RASAL2: variants seen among roughly 807,000 people sequenced by gnomAD.
RASAL2 encodes the protein RAS protein activator like 2.
Under a neutral mutation model 128.9 loss-of-function variants are expected in RASAL2, and 58 were observed. The ratio of observed to expected loss-of-function variants is 0.45; its 90% CI spans 0.36 to 0.56. The LOEUF (loss-of-function observed/expected upper bound fraction) is 0.56, where lower values mean the gene tolerates loss of function less well. Ranked by LOEUF, RASAL2 falls within the 20% of genes least tolerant of loss-of-function variation. RASAL2 has a pLI of 0.00. For missense variants in RASAL2, 1,360 were observed against 1,601.6 expected, an observed-to-expected ratio of 0.85 and a Z score of 2.57; for synonymous variants, 561 against 580.8, an observed-to-expected ratio of 0.97 and a Z score of 0.49.
intron 1 of RASAL2, among the ~76,000 whole-genome samples, chr1:178,152,735 G>A (rs980690281): frequency 6.6e-6 from 1 of 152,136 alleles, no homozygotes; most frequent in African/African-American, 2.4e-5. Context: ...CACAAAAGTG[G>A]AGAAAATAAT....
chr1:178,141,694 A>G (rs1349227074), intron 1 of RASAL2, among the ~76,000 whole-genome samples: 1 of 152,062 alleles, frequency 6.6e-6, no homozygotes, highest in African/African-American at 2.4e-5. Flanking sequence ...TTAACATCGG[A>G]GCATGGGCTA....
intron 1 of RASAL2, among the ~76,000 whole-genome samples, chr1:178,113,646 G>A (rs868737172): frequency 2.6e-5 from 4 of 151,494 alleles, no homozygotes; most frequent in African/African-American, 4.9e-5. Flanking sequence ...GCCTCCAAAC[G>A]TGCTGGGATT....
intron 3 of RASAL2, among the ~76,000 whole-genome samples, chr1:178,306,685 G>GT (rs1668005949): frequency 2.0e-5 from 3 of 152,106 alleles, no homozygotes; most frequent in Non-Finnish European, 2.9e-5. Flanking sequence ...TTTTGGCTGC[G>GT]TAAGTGTCTT....
intron 3 of RASAL2, among the ~76,000 whole-genome samples, chr1:178,305,491 A>T (rs1017384627): frequency 6.6e-6 from 1 of 152,200 alleles, no homozygotes. Context: ...ACAAATCCAC[A>T]CACCTACAGT....
At chr1:178,321,473 A>G (rs976552337) in intron 3 of RASAL2, among the ~76,000 whole-genome samples, 2 of 152,218 alleles carry the variant, frequency 1.3e-5, no homozygotes, top group African/African-American at 4.8e-5. Context: ...AGATTTGATA[A>G]TAAGTTTCAT....
chr1:178,476,179 A>G lies in RASAL2; in HGVS notation c.*2940A>G, dbSNP rs564611127. 1 of 152,362 alleles carries G rather than the reference A, an allele frequency of 6.6e-6. No homozygotes were observed. Among genetic ancestry groups the G allele is most frequent in the Non-Finnish European group, 1.5e-5 (1 of 68,034 alleles). The allele number at this position is 152,362 out of a possible 1,614,324, so 9.4% of individuals were successfully genotyped here. A position where few individuals can be genotyped will look rare whatever the true frequency, so the allele number is the denominator to read the frequency against. On this transcript the variant is annotated 3_prime_UTR_variant, in exon 18 of 18. Coordinates refer to ENST00000367649, the MANE Select transcript of RASAL2 (RefSeq NM_170692.4). ...CACATTGTGGGGCGCAGGATAGATC[A>G]GGGTTGAGTGGAATTTGGAATTCAG...
chr1:178,180,854 A>T (rs1662083589), intron 1 of RASAL2, among the ~76,000 whole-genome samples: 1 of 152,160 alleles, frequency 6.6e-6, no homozygotes, highest in African/African-American at 2.4e-5. Context: ...CTGTATACAA[A>T]TAGCCAAAGA....
intron 2 of RASAL2, among the ~76,000 whole-genome samples, chr1:178,294,976 A>G (rs750945594): frequency 1.1e-4 from 16 of 152,176 alleles, no homozygotes; most frequent in Admixed American, 2.0e-4. Flanking sequence ...GAGCAATGAC[A>G]GAGATCTGAC....
chr1:178,355,528 T>C (rs1160418587), intron 3 of RASAL2, among the ~76,000 whole-genome samples: 2 of 152,182 alleles, frequency 1.3e-5, no homozygotes, highest in African/African-American at 4.8e-5. Flanking sequence ...ATAGTAATAA[T>C]ACCACTTTTA....
chr1:178,218,269 C>T (rs946499188), intron 1 of RASAL2, among the ~76,000 whole-genome samples: 6 of 152,216 alleles, frequency 3.9e-5, no homozygotes, highest in African/African-American at 1.4e-4. Flanking sequence ...ATGAAAACAA[C>T]ATTAATCTAC....
intron 1 of RASAL2, among the ~76,000 whole-genome samples, chr1:178,226,950 GACAA>G (rs762299947): frequency 4.6e-5 from 7 of 151,956 alleles, no homozygotes; most frequent in Admixed American, 1.3e-4. Flanking sequence ...AAAACAAACA[GACAA>G]ACAAACAAAC....
chr1:178,437,083 T>A (rs1676300178), intron 5 of RASAL2, among the ~76,000 whole-genome samples: 1 of 152,106 alleles, frequency 6.6e-6, no homozygotes, highest in Admixed American at 6.6e-5. Context: ...TCTAATCTCC[T>A]TATAGGTGTA....
chr1:178,420,863 G>A (rs1174141533), intron 5 of RASAL2, among the ~76,000 whole-genome samples: 1 of 152,084 alleles, frequency 6.6e-6, no homozygotes, highest in African/African-American at 2.4e-5. Flanking sequence ...AGTCAGTTAA[G>A]CTATTTCTGT....
intron 2 of RASAL2, among the ~76,000 whole-genome samples, chr1:178,297,797 T>C (rs1024658881): frequency 6.6e-6 from 1 of 152,080 alleles, no homozygotes; most frequent in South Asian, 2.1e-4. Context: ...GAGAAAATAA[T>C]TGAGTGAATT....
intron 1 of RASAL2, among the ~76,000 whole-genome samples, chr1:178,126,731 G>A (rs955723792): frequency 5.3e-5 from 8 of 152,190 alleles, no homozygotes; most frequent in Admixed American, 3.3e-4. Context: ...TATTCCATGG[G>A]AGATGATGGG....
intron 4 of RASAL2, chr1:178,411,992 G>A (rs994306667): frequency 1.1e-5 from 6 of 556,852 alleles, no homozygotes; most frequent in Admixed American, 8.3e-5. Context: ...CAGGAAGTGG[G>A]GTCGCTGTGG....
At chr1:178,135,950 A>C (rs1660310760) in intron 1 of RASAL2, among the ~76,000 whole-genome samples, 1 of 152,204 alleles carries the variant, frequency 6.6e-6, no homozygotes. Context: ...GGTCCCTCCC[A>C]CAACATGTGG....
chr1:178,313,669 A>G (rs1571838149), intron 3 of RASAL2, among the ~76,000 whole-genome samples: 1 of 152,086 alleles, frequency 6.6e-6, no homozygotes, highest in Non-Finnish European at 1.5e-5. Context: ...TAAGGGCATT[A>G]ATTCCTTAGC....
intron 1 of RASAL2, among the ~76,000 whole-genome samples, chr1:178,251,934 A>G (rs757203822): frequency 5.3e-5 from 8 of 152,228 alleles, no homozygotes; most frequent in African/African-American, 1.9e-4. Flanking sequence ...ATGTTTATAT[A>G]TAAGTCTCTA....
Sources: gnomAD v4.1 joint callset for allele counts (sites outside exome capture counted in the v4.1 genomes callset) on GRCh38, gnomAD v4.1.1 for gene constraint, MANE v1.5 for transcripts, NCBI Gene and HGNC (gene_info 2026-07-23, HGNC 2026-07-21) for gene names.